EDARADD: variants seen among roughly 807,000 people sequenced by gnomAD.
EDARADD encodes ectodysplasin-A receptor-associated adapter protein.
In EDARADD, 20 loss-of-function variants were observed where a neutral mutation model predicts 25.6. That is an observed-to-expected ratio of 0.78 (90% CI 0.55 to 1.14). The LOEUF (loss-of-function observed/expected upper bound fraction) is 1.14. Among genes scored for constraint, EDARADD ranks in the 50% most tolerant of loss-of-function variants. The pLI is 0.00. For synonymous variants in EDARADD, 86 were observed against 94.4 expected, an observed-to-expected ratio of 0.91 and a Z score of 0.52; for missense variants, 225 against 270.1, an observed-to-expected ratio of 0.83 and a Z score of 1.17.
chr1:236,428,740 C>CAGGCAGAG (rs1558121478), intron 4 of EDARADD, among the ~76,000 whole-genome samples: 5 of 100,306 alleles, frequency 5.0e-5, no homozygotes, highest in Non-Finnish European at 8.1e-5. Context: ...GGGTGGCGGC[C>CAGGCAGAG]GGGCAGAGGC....
At position 236,396,792 on chromosome 1, in the gene EDARADD, T is replaced by C. The variant is rs1667522904; in HGVS notation, c.61+2287T>C. On this transcript the variant is annotated intron_variant, in intron 1 of 5. Transcript: ENST00000334232. ...ATATTCTTCCCCATCCCCATACCTA[T>C]TGTTTGAAAAAACAGAAGGGGAAAC... 5.3e-5 allele frequency among the ~76,000 whole-genome samples: 8 copies of C among 152,010 alleles called. No homozygotes were observed. In the South Asian group the frequency reaches 1.7e-3, roughly 32 times the overall value.
Position 236,484,355 on chromosome 1 carries a change from C to A in EDARADD, c.*1706C>A, listed in dbSNP as rs1355737953. The A allele has an allele frequency of 6.6e-6, 10 of 1,504,908 alleles. No homozygotes were observed. The highest frequency in any genetic ancestry group is 9.2e-6 in the Non-Finnish European group (10 of 1,081,254). The allele number at this position is 1,504,908 out of a possible 1,614,324, so 93.2% of individuals were successfully genotyped here. ...GACCTGGGCAGCTCAAGACTGGTGC[C>A]CCTTGCTGATCTGAGCGCTTGGCCA... On this transcript the variant is annotated 3_prime_UTR_variant, in exon 6 of 6. Transcript: ENST00000334232. This position sits in a 1 kb window ranked among gnomAD's most constrained non-coding sequence, Gnocchi z 4.1.
intron 4 of EDARADD, among the ~76,000 whole-genome samples, chr1:236,432,746 A>G (rs921371138): frequency 8.6e-5 from 13 of 151,972 alleles, no homozygotes; most frequent in Non-Finnish European, 5.9e-5. Context: ...TTAGCTGGGC[A>G]TGGTGGTGGG....
At chr1:236,451,131 C>T (rs1658700046) in intron 4 of EDARADD, among the ~76,000 whole-genome samples, 1 of 152,136 alleles carries the variant, frequency 6.6e-6, no homozygotes, top group Non-Finnish European at 1.5e-5. Flanking sequence ...GACTCTGCTA[C>T]TCAATACTGT....
chr1:236,393,671 A>G (rs1667463055), upstream of EDARADD, among the ~76,000 whole-genome samples: 1 of 152,158 alleles, frequency 6.6e-6, no homozygotes, highest in South Asian at 2.1e-4. Context: ...TGCTGGGGTT[A>G]CAGGTGTGAG....
At position 236,464,441 on chromosome 1, in the gene EDARADD, T is replaced by TTC. The variant is rs1553270201; in HGVS notation, c.220-3789_220-3788insCT. On this transcript the variant is annotated intron_variant, in intron 4 of 5. Coordinates refer to ENST00000334232, the MANE Select transcript of EDARADD (RefSeq NM_145861.4). ...GCTGCAACTTTTTTTTTTTTTTTTT[T>TTC]TTTTTTTTTGAGACAGAATCTCGCT... Among the ~76,000 whole-genome samples the TTC allele has an allele frequency of 3.3e-3, 420 of 126,372 alleles. 18 individuals are homozygous for TTC. The highest frequency in any genetic ancestry group is 5.0e-3 in the East Asian group (20 of 3,994). 82.9% of individuals were successfully genotyped at this position (126,372 alleles called of 152,430 possible). A position where few individuals can be genotyped will look rare whatever the true frequency, so the allele number is the denominator to read the frequency against.
Position 236,427,379 on chromosome 1 carries a change from T to C in EDARADD, c.161-13T>C, listed in dbSNP as rs184596437. 1,682 of 1,607,762 alleles carry C rather than the reference T, an allele frequency of 1.0e-3. 4 individuals are homozygous for C. The highest frequency in any genetic ancestry group is 3.0e-3 in the Middle Eastern group (18 of 6,028). On this transcript the variant is annotated splice_polypyrimidine_tract_variant and intron_variant, in intron 3 of 5. Coordinates refer to ENST00000334232, the MANE Select transcript of EDARADD (RefSeq NM_145861.4). ...ACTTTGTTTCTTTCTTTCTTTCTTTTTTTTTTTCCTAGCTGAAGAATGTGA... is the reference window on the plus strand; with the variant it reads ...ACTTTGTTTCTTTCTTTCTTTCTTTCTTTTTTTCCTAGCTGAAGAATGTGA...
At chr1:236,458,641 C>CTTTTTTTTT (rs5781887) in intron 4 of EDARADD, among the ~76,000 whole-genome samples, 5 of 113,540 alleles carry the variant, frequency 4.4e-5, no homozygotes, top group African/African-American at 6.6e-5. Flanking sequence ...TTTTCTTTTT[C>CTTTTTTTTT]TTTTTTTTTT....
At chr1:236,443,802 A>T (rs1384023725) in intron 4 of EDARADD, among the ~76,000 whole-genome samples, 1 of 152,234 alleles carries the variant, frequency 6.6e-6, no homozygotes, top group African/African-American at 2.4e-5. Flanking sequence ...TAGTACATAA[A>T]TAATGCACGA....
At chr1:236,428,690 A>ATG (rs1553267408) in intron 4 of EDARADD, among the ~76,000 whole-genome samples, 5 of 116,482 alleles carry the variant, frequency 4.3e-5, no homozygotes, top group South Asian at 3.0e-4. Context: ...CACTTCCCAG[A>ATG]CTGGGCTGCC....
intron 1 of EDARADD, among the ~76,000 whole-genome samples, chr1:236,397,401 AAAAT>A (rs35347057): frequency 6.6e-6 from 1 of 151,134 alleles, no homozygotes; most frequent in Non-Finnish European, 1.5e-5. Context: ...CCTGTATCTC[AAAAT>A]AAATAAATAA....
chr1:236,408,197 TTTAA>T (rs199982321), intron 1 of EDARADD, among the ~76,000 whole-genome samples: 6,367 of 152,112 alleles, frequency 0.042, 334 homozygotes, highest in African/African-American at 0.13. Context: ...TTTTTATATT[TTTAA>T]TTAATTAATT....
At chr1:236,406,056 C>G (rs2103006545) in intron 1 of EDARADD, among the ~76,000 whole-genome samples, 1 of 151,606 alleles carries the variant, frequency 6.6e-6, no homozygotes, top group South Asian at 2.1e-4. Context: ...CACCCCACCC[C>G]TGGCTCCACA....
rs990735163 is a variant in EDARADD at position 236,371,523 on chromosome 1, T to C, written c.-6+20684T>C. On this transcript the variant is annotated intron_variant, in intron 3 of 7. Transcript: ENST00000439430. The stretch of plus-strand genomic sequence containing the variant: ...TTGTTATTGATCGTATCAGAAAACT[T>C]CTAGTTTCTCACTATTAATGGATGT... Among the ~76,000 whole-genome samples the C allele has an allele frequency of 2.0e-5, 3 of 152,178 alleles. No homozygotes were observed. The East Asian group carries it at 5.8e-4, about 29-fold the overall frequency.
chr1:236,449,276 A>G (rs185294688), intron 4 of EDARADD, among the ~76,000 whole-genome samples: 1 of 152,324 alleles, frequency 6.6e-6, no homozygotes, highest in East Asian at 1.9e-4. Context: ...CCCTATGTCC[A>G]AATAAGCTTA....
intron 4 of EDARADD, among the ~76,000 whole-genome samples, chr1:236,442,669 T>G (rs1327995415): frequency 1.3e-5 from 2 of 152,250 alleles, no homozygotes; most frequent in East Asian, 3.8e-4. Context: ...ACAGCACATC[T>G]GTTTATAGCA....
intron 2 of EDARADD, among the ~76,000 whole-genome samples, chr1:236,413,593 C>A (rs1657558629): frequency 6.6e-6 from 1 of 152,096 alleles, no homozygotes; most frequent in South Asian, 2.1e-4. Flanking sequence ...TCAGAAATGG[C>A]TACATTGTTT....
chr1:236,482,804 C>A lies in EDARADD; in HGVS notation c.*155C>A. The A allele has an allele frequency of 1.0e-6, 1 of 981,012 alleles. No homozygotes were observed. The highest frequency in any genetic ancestry group is 1.5e-6 in the Non-Finnish European group (1 of 652,190). 60.8% of individuals were successfully genotyped at this position (981,012 alleles called of 1,614,324 possible). On this transcript the variant is annotated 3_prime_UTR_variant, in exon 6 of 6. Transcript: ENST00000334232. ...AGCTGGCAGTTTTGTGGAGGGGTAG[C>A]TTGTTTCGGTGGTGGATCTCTGTTT...
At chr1:236,402,633 AC>A (rs568760699) in intron 1 of EDARADD, among the ~76,000 whole-genome samples, 140 of 152,230 alleles carry the variant, frequency 9.2e-4, no homozygotes, top group Admixed American at 3.8e-3. Context: ...CTGTTCTCAA[AC>A]ATCCTGAACT....
Sources: allele counts gnomAD v4.1 joint callset (sites outside exome capture counted in the v4.1 genomes callset), GRCh38; gene constraint gnomAD v4.1.1; non-coding constraint Gnocchi (gnomAD v3.1); transcripts MANE v1.5; gene names NCBI Gene and HGNC (gene_info 2026-07-23, HGNC 2026-07-21).